The following DAB1 variants were observed in gnomAD, a reference collection of about 807,000 sequenced individuals.
DAB1 encodes disabled homolog 1.
DAB1 carries 15 observed loss-of-function variants against 64.6 expected under a neutral mutation model. The observed-to-expected ratio is 0.23, with a 90% CI of 0.16 to 0.36. The LOEUF is 0.36. Ranked by LOEUF, DAB1 falls within the 10% of genes least tolerant of loss-of-function variation. The pLI, the probability that DAB1 is intolerant of heterozygous loss-of-function variation, is 1.00. For synonymous variants in DAB1, 235 were observed against 251.9 expected (o/e 0.93, Z 0.64); for missense variants, 596 against 706.7 (o/e 0.84, Z 1.78).
intron 4 of DAB1, among the ~76,000 whole-genome samples, chr1:58,255,461 C>A (rs1223344076): frequency 2.0e-5 from 3 of 151,978 alleles, no homozygotes; most frequent in Admixed American, 1.3e-4. Context: ...TCCTTCTATA[C>A]CCCCATTTCA....
intron 3 of DAB1, chr1:58,473,853 G>T: frequency 1.6e-6 from 1 of 628,416 alleles, no homozygotes; most frequent in Non-Finnish European, 2.7e-6. Context: ...TGTCTTCCTA[G>T]CCTGCGTTTC....
chr1:57,158,193 A>G (rs988089817), intron 2 of DAB1, among the ~76,000 whole-genome samples: 2 of 152,214 alleles, frequency 1.3e-5, no homozygotes, highest in African/African-American at 4.8e-5. Flanking sequence ...GTCATTCAGT[A>G]AATATTTACT....
At chr1:57,454,034 AACATCC>A (rs1686489529) in intron 7 of DAB1, among the ~76,000 whole-genome samples, 1 of 152,128 alleles carries the variant, frequency 6.6e-6, no homozygotes, top group African/African-American at 2.4e-5. Context: ...TGGAAGAGAG[AACATCC>A]ACAAACCAGG....
chr1:57,318,844 T>C (rs1385849719), intron 1 of DAB1, among the ~76,000 whole-genome samples: 1 of 152,208 alleles, frequency 6.6e-6, no homozygotes, highest in Non-Finnish European at 1.5e-5. Context: ...ATTTTGCATG[T>C]TTGTTTTGAA....
chr1:57,604,871 A>G (rs1645618011), intron 7 of DAB1, among the ~76,000 whole-genome samples: 1 of 152,130 alleles, frequency 6.6e-6, no homozygotes, highest in African/African-American at 2.4e-5. Context: ...CAATTTTTAC[A>G]TATTTTCCTT....
At chr1:57,757,736 A>G (rs1648883390) in intron 6 of DAB1, among the ~76,000 whole-genome samples, 1 of 151,988 alleles carries the variant, frequency 6.6e-6, no homozygotes, top group Admixed American at 6.6e-5. Flanking sequence ...GAGGGTTCAG[A>G]CTCCATTTTA....
chr1:57,725,833 C>G lies in DAB1; in HGVS notation n.552-76168G>C, dbSNP rs571417439. On this transcript the variant is annotated intron_variant and non_coding_transcript_variant, in intron 6 of 20. Transcript: ENST00000485760. Reference sequence around the variant, plus strand: ...GTGGCGCGATCTCAGCTTACTGCAACCTCTGTCTCCCGGGTTCAAGCAATT... The same window carrying G: ...GTGGCGCGATCTCAGCTTACTGCAAGCTCTGTCTCCCGGGTTCAAGCAATT... 4.6e-5 allele frequency among the ~76,000 whole-genome samples: 7 copies of G among 152,032 alleles called. 1 individual carries two copies. The South Asian group carries it at 1.5e-3, about 32-fold the overall frequency.
intron 5 of DAB1, among the ~76,000 whole-genome samples, chr1:57,921,760 C>T (rs983834007): frequency 6.6e-6 from 1 of 152,088 alleles, no homozygotes; most frequent in Non-Finnish European, 1.5e-5. Context: ...CCTGTCAAAG[C>T]AGGAAATCCT....
At chr1:58,337,497 A>T (rs543118823) in intron 4 of DAB1, among the ~76,000 whole-genome samples, 1 of 152,160 alleles carries the variant, frequency 6.6e-6, no homozygotes, top group Non-Finnish European at 1.5e-5. Context: ...AGCATAATAC[A>T]GTGGGGAAGA....
At chr1:58,005,999 C>T (rs992274764) in intron 5 of DAB1, among the ~76,000 whole-genome samples, 46 of 152,136 alleles carry the variant, frequency 3.0e-4, no homozygotes, top group Admixed American at 8.5e-4. Flanking sequence ...TTTGGTTGGC[C>T]TGTGCTTTCC....
intron 7 of DAB1, among the ~76,000 whole-genome samples, chr1:57,524,302 GA>G (rs1644565468): frequency 6.6e-6 from 1 of 152,134 alleles, no homozygotes; most frequent in Admixed American, 6.5e-5. Context: ...TGACTTAGGG[GA>G]AAAGGCTTAC....
At chr1:58,365,654 G>T (rs1008153086) in intron 3 of DAB1, among the ~76,000 whole-genome samples, 5 of 152,146 alleles carry the variant, frequency 3.3e-5, no homozygotes, top group Non-Finnish European at 7.3e-5. Context: ...CACAGGTGTT[G>T]ATTGTGCAAC....
intron 1 of DAB1, among the ~76,000 whole-genome samples, chr1:57,385,228 C>T (rs1465807991): frequency 1.3e-5 from 2 of 152,198 alleles, no homozygotes; most frequent in Non-Finnish European, 2.9e-5. Context: ...AAATATGTTA[C>T]TACATTTTGG....
At chr1:58,146,231 G>A (rs977217112) in intron 5 of DAB1, among the ~76,000 whole-genome samples, 3 of 152,086 alleles carry the variant, frequency 2.0e-5, no homozygotes, top group African/African-American at 7.2e-5. Flanking sequence ...GACTTCATGG[G>A]GGGTTGGCTC....
chr1:58,405,762 G>A (rs970351099), intron 3 of DAB1, among the ~76,000 whole-genome samples: 2 of 152,338 alleles, frequency 1.3e-5, no homozygotes, highest in Non-Finnish European at 2.9e-5. Flanking sequence ...GAGTGCGTGA[G>A]TGGACAAATG....
At chr1:58,229,030 G>T (rs1013889719) in intron 4 of DAB1, 2 of 343,852 alleles carry the variant, frequency 5.8e-6, no homozygotes, top group African/African-American at 4.3e-5. Context: ...GCAGTGGTGT[G>T]ATCATAACTC....
chr1:57,090,574 C>A (rs1040786802), intron 4 of DAB1, among the ~76,000 whole-genome samples: 1 of 152,092 alleles, frequency 6.6e-6, no homozygotes, highest in Non-Finnish European at 1.5e-5. Flanking sequence ...CACTTATTTG[C>A]CAGAGAAAGA....
rs112716574 is a variant in DAB1 at position 58,492,412 on chromosome 1, G to A, written n.257+13648C>T. 2.7e-4 allele frequency among the ~76,000 whole-genome samples: 41 copies of A among 149,880 alleles called. No homozygotes were observed. The South Asian group carries it at 5.9e-3, about 22-fold the overall frequency. On this transcript the variant is annotated intron_variant and non_coding_transcript_variant, in intron 3 of 20. Coordinates refer to the DAB1 transcript ENST00000485760. ...TAGCAGAAGGCAAGAAAATAACTAAGATCAGAGCAGAACTGAAGGAAATAG... is the reference window on the plus strand; with the variant it reads ...TAGCAGAAGGCAAGAAAATAACTAAAATCAGAGCAGAACTGAAGGAAATAG...
At chr1:58,210,178 A>C (rs1472135512) in intron 4 of DAB1, among the ~76,000 whole-genome samples, 1 of 152,214 alleles carries the variant, frequency 6.6e-6, no homozygotes, top group Non-Finnish European at 1.5e-5. Flanking sequence ...CCGAGATTTA[A>C]GCAGCAGAAC....
Sources: allele counts gnomAD v4.1 joint callset (sites outside exome capture counted in the v4.1 genomes callset), GRCh38; gene constraint gnomAD v4.1.1; transcripts MANE v1.5; gene names NCBI Gene and HGNC (gene_info 2026-07-23, HGNC 2026-07-21).